Variants in AATF observed in about 807,000 individuals in gnomAD.
AATF encodes protein AATF.
In AATF, 48 loss-of-function variants were observed where a neutral mutation model predicts 63.7. That is an observed-to-expected ratio of 0.75 (90% CI 0.60 to 0.96). The LOEUF (loss-of-function observed/expected upper bound fraction) is 0.96, where lower values mean the gene tolerates loss of function less well. Among genes scored for constraint, AATF ranks in the 40% least tolerant of loss-of-function variants. The pLI, the probability that AATF is intolerant of heterozygous loss-of-function variation, is 0.00. For synonymous variants in AATF, 258 were observed against 247.7 expected (o/e 1.04, Z -0.39); for missense variants, 639 against 685.7 (o/e 0.93, Z 0.76).
chr17:37,056,597 T>G lies in AATF; in HGVS notation c.1620-4T>G. 1 of 1,614,172 alleles carries G rather than the reference T, an allele frequency of 6.2e-7. No individual in the cohort carries two copies. The highest frequency in any genetic ancestry group is 1.1e-5 in the South Asian group (1 of 91,076). ...TTAACCAGTTTGCTGTGTTTGTCTT[T>G]TAGGACAGAACTGTACCGCTCTCTT... is the stretch of plus-strand genomic sequence containing the variant. On this transcript the variant is annotated splice_region_variant and splice_polypyrimidine_tract_variant and intron_variant, in intron 11 of 11. Transcript: ENST00000619387.
intron 9 of AATF, among the ~76,000 whole-genome samples, chr17:37,020,481 G>A (rs1285438106): frequency 6.6e-6 from 1 of 152,140 alleles, no homozygotes; most frequent in African/African-American, 2.4e-5. Context: ...TTAAAAATTA[G>A]CAAAAATTGG....
chr17:37,012,919 A>G (rs1397856239), intron 8 of AATF, among the ~76,000 whole-genome samples: 1 of 152,250 alleles, frequency 6.6e-6, no homozygotes, highest in Non-Finnish European at 1.5e-5. Flanking sequence ...ACATAGGAGT[A>G]GAGCTTCATG....
chr17:36,953,373 G>A (rs184979301), intron 3 of AATF, 77 bp downstream of exon 3: 12 of 1,552,238 alleles, frequency 7.7e-6, no homozygotes, highest in Non-Finnish European at 1.0e-5. Flanking sequence ...TTTGTTTTTG[G>A]CTATTCTCTA....
At chr17:37,009,066 T>A (rs576997368) in intron 8 of AATF, among the ~76,000 whole-genome samples, 1 of 152,316 alleles carries the variant, frequency 6.6e-6, no homozygotes, top group African/African-American at 2.4e-5. Flanking sequence ...AGTATAGATC[T>A]GTATCATTTT....
chr17:37,049,939 C>G (rs73286044), intron 11 of AATF, among the ~76,000 whole-genome samples: 8,954 of 152,152 alleles, frequency 0.059, 379 homozygotes, highest in African/African-American at 0.12. Context: ...CTGCTTTGGG[C>G]TCACGAGGGC....
intron 8 of AATF, among the ~76,000 whole-genome samples, chr17:37,010,253 G>T (rs1362898589): frequency 6.6e-6 from 1 of 152,196 alleles, no homozygotes; most frequent in Non-Finnish European, 1.5e-5. Context: ...AGGAGCTCCA[G>T]ACCATCCTGG....
chr17:36,949,245 C>G (rs2142195915), intron 1 of AATF, 29 bp downstream of exon 1: 2 of 1,564,554 alleles, frequency 1.3e-6, no homozygotes, highest in East Asian at 4.7e-5. Context: ...AGGCCACGTG[C>G]GGAGCGGTGG....
At chr17:37,020,684 A>G (rs1372857483) in intron 9 of AATF, among the ~76,000 whole-genome samples, 1 of 152,196 alleles carries the variant, frequency 6.6e-6, no homozygotes, top group East Asian at 1.9e-4. Context: ...AGTGCTTGTC[A>G]CAGCAACTCC....
In AATF at chr17:37,019,040, C is replaced by T; in HGVS notation, c.1434C>T (p.Ser478=). Residue 478 remains serine (S), a synonymous_variant, in exon 9 of 12, where the codon TCC becomes TCT. Coordinates refer to ENST00000619387, the MANE Select transcript of AATF (RefSeq NM_012138.4). ...LRELIERKTS[S]LDPNDQVAMG... is the part of the protein sequence containing the mutation. ...AACTCATAGAACGGAAGACCAGCTC[C>T]TTGGATCCCAACGATCAGGTGGCCA... The T allele has an allele frequency of 6.2e-7, 1 of 1,614,178 alleles. No individual in the cohort carries two copies. The highest frequency in any genetic ancestry group is 8.5e-7 in the Non-Finnish European group (1 of 1,180,014).
chr17:36,951,296 A>G (rs76619815), intron 2 of AATF, among the ~76,000 whole-genome samples: 2,277 of 152,320 alleles, frequency 0.015, 20 homozygotes, highest in Non-Finnish European at 0.024. Context: ...TGATAAGCTC[A>G]TTTCATATTC....
intron 8 of AATF, among the ~76,000 whole-genome samples, chr17:36,994,627 G>T (rs1280866909): frequency 6.6e-6 from 1 of 152,188 alleles, no homozygotes; most frequent in Non-Finnish European, 1.5e-5. Context: ...AAACATGAAG[G>T]TTGTAAATGA....
chr17:36,952,781 AT>A (rs1238353236), intron 2 of AATF, 104 bp from the exon 3 acceptor site: 2 of 1,484,704 alleles, frequency 1.3e-6, no homozygotes, highest in East Asian at 2.3e-5. Flanking sequence ...GCAGTAAGAG[AT>A]TTTCCCCCTG....
intron 4 of AATF, among the ~76,000 whole-genome samples, chr17:36,957,691 C>G (rs1387059974): frequency 6.6e-6 from 1 of 152,122 alleles, no homozygotes; most frequent in Non-Finnish European, 1.5e-5. Flanking sequence ...TCCTACCTTT[C>G]TGATCTCTTC....
intron 2 of AATF, among the ~76,000 whole-genome samples, chr17:36,951,223 A>G (rs1478968379): frequency 6.6e-6 from 1 of 152,148 alleles, no homozygotes; most frequent in African/African-American, 2.4e-5. Flanking sequence ...GATAATATAA[A>G]AGGAACTATC....
chr17:36,958,447 G>C (rs1331886292), intron 4 of AATF, among the ~76,000 whole-genome samples: 2 of 152,160 alleles, frequency 1.3e-5, no homozygotes, highest in African/African-American at 4.8e-5. Context: ...TTACAGGTAT[G>C]AGCCACTGTG....
At chr17:36,961,817 G>T (rs1192653241) in intron 4 of AATF, among the ~76,000 whole-genome samples, 2 of 152,080 alleles carry the variant, frequency 1.3e-5, no homozygotes, top group African/African-American at 4.8e-5. Context: ...TGGGATTACA[G>T]GCATCCACCA....
intron 11 of AATF, among the ~76,000 whole-genome samples, chr17:37,041,802 G>T (rs2071642819): frequency 6.6e-6 from 1 of 152,196 alleles, no homozygotes; most frequent in Non-Finnish European, 1.5e-5. Context: ...ACCACACCCG[G>T]CCGGGAGAGC....
chr17:36,993,998 T>C (rs2071235259), intron 8 of AATF, among the ~76,000 whole-genome samples: 1 of 152,202 alleles, frequency 6.6e-6, no homozygotes, highest in Non-Finnish European at 1.5e-5. Context: ...TAAAGGTACA[T>C]GTATATATGT....
chr17:37,035,978 C>T (rs2071589002), intron 11 of AATF, among the ~76,000 whole-genome samples: 1 of 151,896 alleles, frequency 6.6e-6, no homozygotes, highest in Non-Finnish European at 1.5e-5. Flanking sequence ...GGCAGGAATG[C>T]AGTGGTGCAA....
Sources: gnomAD v4.1 joint callset for allele counts (sites outside exome capture counted in the v4.1 genomes callset) on GRCh38, gnomAD v4.1.1 for gene constraint, MANE v1.5 for transcripts, NCBI Gene and HGNC (gene_info 2026-07-23, HGNC 2026-07-21) for gene names.